The following STRIP2 variants were observed in gnomAD, a reference collection of about 807,000 sequenced individuals.
STRIP2 encodes striatin-interacting protein 2.
A neutral mutation model predicts 107.1 loss-of-function variants in STRIP2; 84 were observed. The ratio of observed to expected loss-of-function variants is 0.78; its 90% confidence interval spans 0.66 to 0.94. The LOEUF is 0.94. Ranked by LOEUF, STRIP2 falls within the 40% of genes least tolerant of loss-of-function variation. The pLI is 0.00. For synonymous variants in STRIP2, 394 were observed against 400.4 expected (o/e 0.98, Z 0.19); for missense variants, 888 against 1,034.2 (o/e 0.86, Z 1.94).
In STRIP2 at chr7:129,487,011, T is replaced by G. The variant is rs1401814263; in HGVS notation, c.*1182T>G. On this transcript the variant is annotated 3_prime_UTR_variant, in exon 21 of 21. Coordinates refer to ENST00000249344, the MANE Select transcript of STRIP2 (RefSeq NM_020704.3). Reference sequence around the variant, plus strand: ...GGATCATATGCTTTTTTTTTTTTTTTTTTTTTTTTTTTTTTTTTTGAGACA... The same window carrying G: ...GGATCATATGCTTTTTTTTTTTTTTGTTTTTTTTTTTTTTTTTTTGAGACA... 7.8e-6 allele frequency: 1 copy of G among 127,816 alleles called. No individual in the cohort carries two copies. Among genetic ancestry groups the G allele is most frequent in the East Asian group, 2.2e-4 (1 of 4,546 alleles). 7.9% of individuals were successfully genotyped at this position (127,816 alleles called of 1,614,324 possible).
In STRIP2 at chr7:129,486,442, T is replaced by A. The variant is rs945286515; in HGVS notation, c.*613T>A. On this transcript the variant is annotated 3_prime_UTR_variant, in exon 21 of 21. Transcript: ENST00000249344. The stretch of plus-strand genomic sequence containing the variant: ...TTGTGTAAAGTGTTTTTTTCCTCAT[T>A]CTGTAAGAGATCTATATTCAATGTG... 6.5e-6 allele frequency: 1 copy of A among 154,670 alleles called. No homozygotes were observed. The highest frequency in any genetic ancestry group is 2.4e-5 in the African/African-American group (1 of 41,454). 9.6% of individuals were successfully genotyped at this position (154,670 alleles called of 1,614,324 possible). A position where few individuals can be genotyped will look rare whatever the true frequency, so the allele number is the denominator to read the frequency against.
Position 129,458,519 on chromosome 7 carries a change from G to A in STRIP2, c.1274+69G>A. The A allele has an allele frequency of 1.5e-6, 2 of 1,370,586 alleles. No individual in the cohort carries two copies. The highest frequency in any genetic ancestry group is 1.4e-5 in the South Asian group (1 of 71,320). 84.9% of individuals were successfully genotyped at this position (1,370,586 alleles called of 1,614,324 possible). A position where few individuals can be genotyped will look rare whatever the true frequency, so the allele number is the denominator to read the frequency against. ...GTCTCCAAAGGCCCAAGATGGGGTA[G>A]TCTATGTATTCAAGGCTCGTTAAGT... On this transcript the variant is annotated intron_variant, in intron 10 of 20. Coordinates refer to ENST00000249344, the MANE Select transcript of STRIP2 (RefSeq NM_020704.3). The surrounding 1 kb of genome is among the most constrained non-coding windows in gnomAD (Gnocchi z 4.6).
In STRIP2 at chr7:129,445,550, C is replaced by T. The variant is rs192351860; in HGVS notation, c.274+1452C>T. Among the ~76,000 whole-genome samples, 8 of 151,924 alleles carry T rather than the reference C, an allele frequency of 5.3e-5. No homozygotes were observed. In the East Asian group the frequency reaches 7.7e-4, roughly 15 times the overall value. ...CCCCTTGATTCCTGGACCGGTGAAT[C>T]CTGACTATGGGAAAAACAGTACCAT... On this transcript the variant is annotated intron_variant, in intron 3 of 20. Transcript: ENST00000249344.
intron 3 of STRIP2, among the ~76,000 whole-genome samples, chr7:129,448,308 C>T (rs1169190901): frequency 3.9e-5 from 6 of 152,134 alleles, no homozygotes; most frequent in African/African-American, 1.2e-4. Flanking sequence ...CAGTAGTCCC[C>T]GAAATGTCTG....
At chr7:129,434,837 G>T (rs1313944229) in intron 1 of STRIP2, among the ~76,000 whole-genome samples, 1 of 152,262 alleles carries the variant, frequency 6.6e-6, no homozygotes, top group Non-Finnish European at 1.5e-5. Flanking sequence ...CCCGCTGCGC[G>T]AAGATGAGCG....
chr7:129,443,976 T>C, intron 2 of STRIP2, 48 bp from the exon 3 acceptor site: 1 of 1,487,098 alleles, frequency 6.7e-7, no homozygotes, highest in Non-Finnish European at 9.4e-7. Flanking sequence ...TTTGGGCCTC[T>C]TCTTTAAGGA....
At chr7:129,472,172 C>T (rs1374690139) in intron 18 of STRIP2, among the ~76,000 whole-genome samples, 1 of 152,176 alleles carries the variant, frequency 6.6e-6, no homozygotes, top group Non-Finnish European at 1.5e-5. Context: ...ACATTTTCCA[C>T]AGAAACAGTG....
intron 6 of STRIP2, 74 bp downstream of exon 6, chr7:129,454,284 G>C (rs1798278627): frequency 6.5e-7 from 1 of 1,543,284 alleles, no homozygotes; most frequent in Non-Finnish European, 8.9e-7. Context: ...CCAAATCCCA[G>C]ATGACTCAGA....
At chr7:129,459,425 T>C in intron 11 of STRIP2, 92 bp from the exon 12 acceptor site, 1 of 1,095,114 alleles carries the variant, frequency 9.1e-7, no homozygotes, top group Non-Finnish European at 1.4e-6. Context: ...TTGTTGAAAG[T>C]AGCATGGTCT....
At chr7:129,474,923 CA>C (rs1562915276) in intron 18 of STRIP2, among the ~76,000 whole-genome samples, 1 of 152,160 alleles carries the variant, frequency 6.6e-6, no homozygotes, top group Non-Finnish European at 1.5e-5. Context: ...GAGCTAATGG[CA>C]TATTAATTTC....
At chr7:129,441,442 G>C (rs370050189) in intron 2 of STRIP2, among the ~76,000 whole-genome samples, 1 of 152,160 alleles carries the variant, frequency 6.6e-6, no homozygotes, top group East Asian at 1.9e-4. Context: ...GTTTATCAGT[G>C]TAAAAAGTTG....
At chr7:129,451,781 G>A (rs1398882142) in intron 4 of STRIP2, 34 bp downstream of exon 4, 7 of 1,611,544 alleles carry the variant, frequency 4.3e-6, no homozygotes, top group Non-Finnish European at 5.9e-6. Flanking sequence ...TTAGAGGGGT[G>A]GAGGCTTGAG....
At position 129,483,220 on chromosome 7, in the gene STRIP2, A is replaced by C; in HGVS notation, c.2254+174A>C. ...ACTTTAAGGTTATGCCTCAAATTCT[A>C]GTATGTACCCTTGTCCTATGTAAAC... is the stretch of plus-strand genomic sequence containing the variant. On this transcript the variant is annotated intron_variant, in intron 20 of 20. Transcript: ENST00000249344. This position sits in a 1 kb window ranked among gnomAD's most constrained non-coding sequence, Gnocchi z 5.1. 7.0e-7 allele frequency: 1 copy of C among 1,421,112 alleles called. No individual in the cohort carries two copies. The highest frequency in any genetic ancestry group is 1.6e-5 in the South Asian group (1 of 61,154). 88.0% of individuals were successfully genotyped at this position (1,421,112 alleles called of 1,614,324 possible).
In STRIP2 at chr7:129,462,982, C is replaced by A; in HGVS notation, c.1493C>A (p.Pro498Gln). The A allele has an allele frequency of 6.2e-7, 1 of 1,614,034 alleles. No individual in the cohort carries two copies. Among genetic ancestry groups the A allele is most frequent in the Non-Finnish European group, 8.5e-7 (1 of 1,179,946 alleles). ...CPMSLGEEVV[P>Q]ETPCEILYQG... is the part of the protein sequence containing the mutation. ...TTGCCATAGGGGGAAGAGGTGGTAC[C>A]AGAGACGCCATGTGAAATCCTCTAC... Residue 498 changes from proline to glutamine, a missense_variant, in exon 14 of 21, where the codon CCA (proline) becomes CAA (glutamine). By Grantham distance (76) the Pro-to-Gln change is moderately conservative. Transcript: ENST00000249344.
chr7:129,438,056 C>A (rs1057051119), intron 1 of STRIP2, among the ~76,000 whole-genome samples: 1 of 152,188 alleles, frequency 6.6e-6, no homozygotes, highest in African/African-American at 2.4e-5. Context: ...CCGCCCACCT[C>A]GGCCTCCCAA....
Position 129,458,783 on chromosome 7 carries a change from T to C in STRIP2, c.1340+6T>C. The C allele has an allele frequency of 1.2e-6, 2 of 1,614,020 alleles. No individual in the cohort carries two copies. The highest frequency in any genetic ancestry group is 1.7e-6 in the Non-Finnish European group (2 of 1,179,930). On this transcript the variant is annotated splice_donor_region_variant and intron_variant, in intron 11 of 20. Transcript: ENST00000249344. The surrounding 1 kb of genome is among the most constrained non-coding windows in gnomAD (Gnocchi z 4.6). Reference sequence around the variant, plus strand: ...ATCGGATTCACCCTGGGGCAGTAAGTGACTGAATGGCTGGAACTGGCTACA... The same window carrying C: ...ATCGGATTCACCCTGGGGCAGTAAGCGACTGAATGGCTGGAACTGGCTACA...
intron 16 of STRIP2, 27 bp from the exon 17 acceptor site, chr7:129,467,323 C>G (rs1798694188): frequency 6.6e-7 from 1 of 1,507,586 alleles, no homozygotes; most frequent in Non-Finnish European, 9.2e-7. Context: ...AAATAAGCAG[C>G]CCTTTCTGCT....
chr7:129,473,920 T>C (rs1798854190), intron 18 of STRIP2, among the ~76,000 whole-genome samples: 1 of 151,934 alleles, frequency 6.6e-6, no homozygotes, highest in Non-Finnish European at 1.5e-5. Context: ...TGTTGTACTG[T>C]GTTAGCCAGG....
At chr7:129,453,415 G>A in intron 5 of STRIP2, 68 bp downstream of exon 5, 1 of 1,592,816 alleles carries the variant, frequency 6.3e-7, no homozygotes, top group Non-Finnish European at 8.6e-7. Flanking sequence ...CATGTTCTAT[G>A]CTGCTTCCCT....
Sources: allele counts gnomAD v4.1 joint callset (sites outside exome capture counted in the v4.1 genomes callset), GRCh38; gene constraint gnomAD v4.1.1; non-coding constraint Gnocchi (gnomAD v3.1); transcripts MANE v1.5; gene names NCBI Gene and HGNC (gene_info 2026-07-23, HGNC 2026-07-21).